The following SEPTIN6 variants were observed in gnomAD, a reference collection of about 807,000 sequenced individuals.
The protein encoded by SEPTIN6 is septin 6.
Under a neutral mutation model 33.6 loss-of-function variants are expected in SEPTIN6, and 8 were observed. The ratio of observed to expected loss-of-function variants is 0.24; its 90% CI spans 0.14 to 0.43. The LOEUF is 0.43. Among genes scored for constraint, SEPTIN6 ranks in the 20% least tolerant of loss-of-function variants. SEPTIN6 has a pLI of 1.00. For missense variants in SEPTIN6, 250 were observed against 340.8 expected (o/e 0.73, Z 2.10); for synonymous variants, 131 against 140.0 (o/e 0.94, Z 0.45).
intron 9 of SEPTIN6, among the ~76,000 whole-genome samples, 200 bp from the exon 10 acceptor site, chrX:119,625,579 GT>G (rs1265723123): frequency 1.9e-5 from 2 of 103,495 alleles, no homozygotes; most frequent in African/African-American, 7.1e-5. Context: ...GTCTCTCTCT[GT>G]TGCCCAGACT....
At chrX:119,644,075 T>G (rs1488387422) in intron 5 of SEPTIN6, among the ~76,000 whole-genome samples, 1 of 111,427 alleles carries the variant, frequency 9.0e-6, no homozygotes, top group Non-Finnish European at 1.9e-5. Flanking sequence ...CCAGGCTTTC[T>G]GCTATTTTTC....
chrX:119,678,408 T>C (rs1056453123), intron 1 of SEPTIN6, among the ~76,000 whole-genome samples: 3 of 109,613 alleles, frequency 2.7e-5, no homozygotes, highest in Non-Finnish European at 5.7e-5. Flanking sequence ...TAGTCCCAGC[T>C]ACTCAGGAGG....
At chrX:119,652,742 G>C in intron 4 of SEPTIN6, 112 bp downstream of exon 4, 2 of 578,397 alleles carry the variant, frequency 3.5e-6, no homozygotes, top group Non-Finnish European at 5.5e-6. Context: ...GAGGGACAGG[G>C]AATGAGGGAG....
intron 5 of SEPTIN6, among the ~76,000 whole-genome samples, chrX:119,644,444 C>T (rs930010146): frequency 1.8e-5 from 2 of 111,368 alleles, no homozygotes; most frequent in African/African-American, 6.5e-5. Flanking sequence ...GTTCTGGAGG[C>T]TGGGAGGTCC....
intron 1 of SEPTIN6, among the ~76,000 whole-genome samples, chrX:119,691,750 G>A (rs2055175916): frequency 8.9e-6 from 1 of 112,380 alleles, no homozygotes; most frequent in Non-Finnish European, 1.9e-5. Flanking sequence ...CAAATACCTA[G>A]AGGCTTTTTT....
downstream of SEPTIN6, chrX:119,616,688 T>C (rs773492408): frequency 2.5e-6 from 3 of 1,190,343 alleles, no homozygotes; most frequent in South Asian, 1.8e-5. Flanking sequence ...TCTTCTATAA[T>C]GGCAGTCTTC....
intron 1 of SEPTIN6, among the ~76,000 whole-genome samples, chrX:119,679,755 G>C (rs746138192): frequency 1.8e-5 from 2 of 111,986 alleles, no homozygotes; most frequent in Non-Finnish European, 3.8e-5. Flanking sequence ...CCACTCAGGA[G>C]GCTGAGAGGC....
chrX:119,680,600 CA>C (rs2054938567), intron 1 of SEPTIN6, among the ~76,000 whole-genome samples: 1 of 111,420 alleles, frequency 9.0e-6, no homozygotes, highest in Admixed American at 9.6e-5. Flanking sequence ...AAAGAAGGGA[CA>C]TAGAACCTGG....
chrX:119,690,723 C>CAAA (rs772333455), intron 1 of SEPTIN6, among the ~76,000 whole-genome samples: 32 of 22,982 alleles, frequency 1.4e-3, no homozygotes, highest in African/African-American at 2.2e-3. Flanking sequence ...GACTCCGTCT[C>CAAA]AAAAAAAAAA....
chrX:119,639,713 T>C (rs1294023625), intron 6 of SEPTIN6, among the ~76,000 whole-genome samples: 3 of 111,874 alleles, frequency 2.7e-5, no homozygotes, highest in African/African-American at 9.8e-5. Flanking sequence ...TTTTTCTTTA[T>C]AGTTTTACCT....
intron 3 of SEPTIN6, among the ~76,000 whole-genome samples, chrX:119,653,426 A>T (rs1409126018): frequency 3.6e-5 from 4 of 112,406 alleles, no homozygotes; most frequent in Non-Finnish European, 7.5e-5. Flanking sequence ...CTTCACAAGG[A>T]TTCTCTCAAA....
chrX:119,632,782 C>T (rs892587810), intron 8 of SEPTIN6, among the ~76,000 whole-genome samples: 8 of 111,451 alleles, frequency 7.2e-5, no homozygotes, highest in African/African-American at 2.6e-4. Flanking sequence ...CATGTGCCAC[C>T]ACACTCCACT....
chrX:119,686,282 G>A (rs1481211578), intron 1 of SEPTIN6, among the ~76,000 whole-genome samples: 1 of 111,588 alleles, frequency 9.0e-6, no homozygotes, highest in African/African-American at 3.3e-5. Context: ...AGAGCTGGGG[G>A]CCTCCAATGT....
rs760904736 is a variant in SEPTIN6, at chrX:119,657,168, G to A, written c.342-4128C>T. On this transcript the variant is annotated intron_variant, in intron 3 of 10. Transcript: ENST00000394610. Reference sequence around the variant, plus strand: ...TGGGAGGCGGAGGTTGCAGTGAGCCGAGATCGCACCACTGCACTCCAGCCT... The same window carrying A: ...TGGGAGGCGGAGGTTGCAGTGAGCCAAGATCGCACCACTGCACTCCAGCCT... Among the ~76,000 whole-genome samples the A allele has an allele frequency of 2.0e-3, 192 of 98,254 alleles. 3 individuals carry two copies. Among genetic ancestry groups the A allele is most frequent in the African/African-American group, 6.6e-3 (175 of 26,530 alleles). 85.3% of individuals were successfully genotyped at this position (98,254 alleles called of 115,157 possible).
chrX:119,641,904 C>T (rs985575507), intron 5 of SEPTIN6, among the ~76,000 whole-genome samples: 1 of 112,871 alleles, frequency 8.9e-6, no homozygotes, highest in Non-Finnish European at 1.9e-5. Context: ...CCTGCAGAAA[C>T]AGGCCATGAT....
At position 119,652,889 on chromosome X, in the gene SEPTIN6, G is replaced by A. The variant is rs763286884; in HGVS notation, c.493C>T (p.Leu165=). The change falls in exon 4 of 11, where the codon CTG becomes TTG. Residue 165 remains leucine (L), a synonymous_variant. Coordinates refer to ENST00000394610, the MANE Select transcript of SEPTIN6 (RefSeq NM_145799.4). ...IAPTGHSLKS[L]DLVTMKKLDS... is the part of the protein sequence containing the mutation. ...AGCTTCTTCATAGTCACTAGGTCCAGAGACTTCAGGGAATGACCCGTGGGG... is the reference window on the plus strand; with the variant it reads ...AGCTTCTTCATAGTCACTAGGTCCAAAGACTTCAGGGAATGACCCGTGGGG... The A allele has an allele frequency of 3.3e-6, 4 of 1,208,442 alleles. No homozygotes were observed. Among genetic ancestry groups the A allele is most frequent in the African/African-American group, 1.8e-5 (1 of 56,774 alleles).
intron 2 of SEPTIN6, among the ~76,000 whole-genome samples, chrX:119,673,213 G>A (rs940539559): frequency 5.4e-5 from 6 of 111,000 alleles, no homozygotes; most frequent in Non-Finnish European, 1.9e-5. Context: ...TCATCTCTAC[G>A]AAAAAAATGA....
chrX:119,651,963 C>T (rs1044788084), intron 4 of SEPTIN6, among the ~76,000 whole-genome samples: 5 of 112,229 alleles, frequency 4.5e-5, no homozygotes, highest in Non-Finnish European at 9.4e-5. Context: ...CTGGCTGTGT[C>T]GCCCAGGCTG....
intron 7 of SEPTIN6, among the ~76,000 whole-genome samples, 190 bp from the exon 8 acceptor site, chrX:119,633,682 G>A (rs2054006883): frequency 8.9e-6 from 1 of 112,183 alleles, no homozygotes; most frequent in Non-Finnish European, 1.9e-5. Flanking sequence ...ATTCTGGAGG[G>A]GGATGGGGCA....
Sources: allele counts gnomAD v4.1 joint callset (sites outside exome capture counted in the v4.1 genomes callset), GRCh38; gene constraint gnomAD v4.1.1; transcripts MANE v1.5; gene names NCBI Gene and HGNC (gene_info 2026-07-23, HGNC 2026-07-21).